The following GON4L variants were observed in gnomAD, a reference collection of about 807,000 sequenced individuals.
GON4L encodes gon-4 like, also known as GON-4-like protein.
A neutral mutation model predicts 211.8 loss-of-function variants in GON4L; 87 were observed. That is an observed-to-expected ratio of 0.41 (90% CI 0.35 to 0.49). The LOEUF (loss-of-function observed/expected upper bound fraction) is 0.49, where lower values mean the gene tolerates loss of function less well. Ranked by LOEUF, GON4L falls within the 20% of genes least tolerant of loss-of-function variation. The pLI is 0.15. For synonymous variants in GON4L, 875 were observed against 962.6 expected (o/e 0.91, Z 1.68); for missense variants, 2,155 against 2,659.5 (o/e 0.81, Z 4.17).
upstream of GON4L, among the ~76,000 whole-genome samples, chr1:155,859,003 A>T (rs936379360): frequency 1.5e-4 from 23 of 152,060 alleles, no homozygotes; most frequent in Middle Eastern, 3.4e-3. Flanking sequence ...CTGTTTTTTT[A>T]AAATTAGTAA....
At chr1:155,803,795 C>T (rs2102068481) in intron 11 of GON4L, among the ~76,000 whole-genome samples, 1 of 152,158 alleles carries the variant, frequency 6.6e-6, no homozygotes, top group Middle Eastern at 3.4e-3. Flanking sequence ...AGGGGAGAGT[C>T]CTGAAGTGTA....
At chr1:155,849,986 TAAA>T (rs367553803) in intron 2 of GON4L, among the ~76,000 whole-genome samples, 10 of 124,324 alleles carry the variant, frequency 8.0e-5, no homozygotes, top group Middle Eastern at 3.9e-3. Flanking sequence ...ATTCTGCTCT[TAAA>T]AAAAAAAAAA....
chr1:155,799,598 C>T (rs757751774), intron 11 of GON4L, among the ~76,000 whole-genome samples: 9 of 152,296 alleles, frequency 5.9e-5, no homozygotes, highest in Non-Finnish European at 1.2e-4. Flanking sequence ...GATCCCTAGA[C>T]CATACTCATT....
At chr1:155,790,988 G>A (rs1297481673) in intron 12 of GON4L, among the ~76,000 whole-genome samples, 1 of 148,734 alleles carries the variant, frequency 6.7e-6, no homozygotes, top group Non-Finnish European at 1.5e-5. Flanking sequence ...GAGGCTGGGC[G>A]CAGTGGCTCG....
At chr1:155,804,405 T>A (rs1350933001) in intron 11 of GON4L, among the ~76,000 whole-genome samples, 3 of 152,018 alleles carry the variant, frequency 2.0e-5, no homozygotes, top group Admixed American at 6.6e-5. Context: ...ACAACAAAAC[T>A]ACATGTGCAT....
chr1:155,762,126 T>A, intron 23 of GON4L, 64 bp downstream of exon 23: 1 of 1,272,402 alleles, frequency 7.9e-7, no homozygotes, highest in South Asian at 1.3e-5. Context: ...TTGAAAAACA[T>A]CTCCCTTGAA....
At chr1:155,834,831 T>C (rs1670138948) in intron 2 of GON4L, among the ~76,000 whole-genome samples, 1 of 152,144 alleles carries the variant, frequency 6.6e-6, no homozygotes, top group Non-Finnish European at 1.5e-5. Flanking sequence ...CCCCTTCGCC[T>C]CTGCCCAGCT....
chr1:155,804,888 A>T, intron 11 of GON4L, 61 bp downstream of exon 11: 1 of 1,199,350 alleles, frequency 8.3e-7, no homozygotes. Flanking sequence ...CCTTCCAAAT[A>T]CTAAAAATTT....
chr1:155,823,300 C>T (rs1034320571), intron 3 of GON4L, among the ~76,000 whole-genome samples: 1 of 151,996 alleles, frequency 6.6e-6, no homozygotes, highest in Non-Finnish European at 1.5e-5. Flanking sequence ...ATGAAACTTA[C>T]CACATTAACA....
At chr1:155,775,242 C>G in intron 16 of GON4L, 69 bp from the exon 17 acceptor site, 1 of 1,604,898 alleles carries the variant, frequency 6.2e-7, no homozygotes, top group African/African-American at 1.3e-5. Flanking sequence ...CCTTCAGAAT[C>G]TAAATGAGAA....
intron 12 of GON4L, among the ~76,000 whole-genome samples, chr1:155,787,571 G>A (rs868354824): frequency 2.0e-5 from 3 of 152,132 alleles, no homozygotes; most frequent in Admixed American, 6.6e-5. Flanking sequence ...TCAGGAGTTC[G>A]AGACCAGTCT....
At chr1:155,796,032 C>T (rs144818384) in intron 11 of GON4L, among the ~76,000 whole-genome samples, 56 of 152,120 alleles carry the variant, frequency 3.7e-4, no homozygotes, top group Admixed American at 8.5e-4. Flanking sequence ...AAAATACTTC[C>T]GGTCCTGAGC....
intron 10 of GON4L, among the ~76,000 whole-genome samples, chr1:155,812,740 G>A (rs548873678): frequency 1.2e-4 from 19 of 152,064 alleles, no homozygotes; most frequent in African/African-American, 3.4e-4. Context: ...ATTTTCAGTC[G>A]AGATGGGGGT....
At chr1:155,840,608 T>C (rs1225940507) in intron 2 of GON4L, among the ~76,000 whole-genome samples, 1 of 152,186 alleles carries the variant, frequency 6.6e-6, no homozygotes, top group Non-Finnish European at 1.5e-5. Flanking sequence ...TCAATGTGCT[T>C]TTGAGTTACA....
intron 27 of GON4L, chr1:155,756,606 A>C (rs373074777): frequency 6.7e-4 from 153 of 229,134 alleles, no homozygotes; most frequent in African/African-American, 3.1e-3. Flanking sequence ...AAACATAGAT[A>C]ATTTTCAATA....
upstream of GON4L, chr1:155,859,309 A>AG (rs1672500753): frequency 5.7e-6 from 1 of 176,708 alleles, no homozygotes; most frequent in East Asian, 1.7e-4. Context: ...CTTACCCTTC[A>AG]GTACTTTCTC....
chr1:155,841,098 G>T (rs968032327), intron 2 of GON4L, among the ~76,000 whole-genome samples: 3 of 152,080 alleles, frequency 2.0e-5, no homozygotes, highest in Non-Finnish European at 4.4e-5. Flanking sequence ...TAATAATTTT[G>T]CCTCTATATG....
chr1:155,824,434 CAAAAAAAAAAAAA>C (rs769823401), intron 3 of GON4L, among the ~76,000 whole-genome samples: 8 of 7,440 alleles, frequency 1.1e-3, no homozygotes, highest in East Asian at 7.5e-3. Context: ...AACTCCACAT[CAAAAAAAAAAAAA>C]AAAAAAAAAA....
chr1:155,760,473 A>T lies in GON4L; in HGVS notation c.5080T>A (p.Leu1694Ile), dbSNP rs1661674132. 6.2e-7 allele frequency: 1 copy of T among 1,611,920 alleles called. No homozygotes were observed. Among genetic ancestry groups the T allele is most frequent in the Non-Finnish European group, 8.5e-7 (1 of 1,178,184 alleles). Residue 1694 changes from leucine (L) to isoleucine (I), a missense_variant, in exon 24 of 32, where the codon TTA becomes ATA. Around this residue, in one of 6 missense-constraint regions of GON4L, gnomAD observed 455 missense variants for 504.6 expected, o/e 0.90. Transcript: ENST00000368331. The part of the protein sequence containing the change: ...QLLKDFAAFL[L>I]PEQALACGLF... ...CCACAGGCCAGAGCTTGCTCAGGTA[A>T]CAGGAAAGCAGCAAAGTCTTTCAAC...
Sources: gnomAD v4.1 joint callset for allele counts (sites outside exome capture counted in the v4.1 genomes callset) on GRCh38, gnomAD v4.1.1 for gene constraint, gnomAD v4.1.1 regional missense constraint, MANE v1.5 for transcripts, NCBI Gene and HGNC (gene_info 2026-07-23, HGNC 2026-07-21) for gene names.